Variants in TOPBP1 observed in about 807,000 individuals in gnomAD.
TOPBP1 encodes DNA topoisomerase 2-binding protein 1.
In TOPBP1, 28 loss-of-function variants were observed where a neutral mutation model predicts 167.7. That is an observed-to-expected ratio of 0.17 (90% confidence interval 0.12 to 0.23). The LOEUF is 0.23. Ranked by LOEUF, TOPBP1 falls within the 10% of genes least tolerant of loss-of-function variation. The probability of loss-of-function intolerance (pLI) is 1.00; values close to 1 mark genes in which losing one functional copy is unlikely to be tolerated. For missense variants in TOPBP1, 1,554 were observed against 1,809.6 expected (o/e 0.86, Z 2.56); for synonymous variants, 598 against 611.4 (o/e 0.98, Z 0.32).
chr3:133,653,024 A>G (rs1006652179), intron 7 of TOPBP1, among the ~76,000 whole-genome samples: 1 of 152,234 alleles, frequency 6.6e-6, no homozygotes, highest in African/African-American at 2.4e-5. Context: ...CTGTAAATTA[A>G]GGAAAGATTA....
chr3:133,623,231 C>T, intron 18 of TOPBP1, 38 bp from the exon 19 acceptor site: 1 of 1,610,766 alleles, frequency 6.2e-7, no homozygotes, highest in Non-Finnish European at 8.5e-7. Context: ...TCAAACCAAG[C>T]CACTGTATAA....
At chr3:133,610,443 T>C (rs964688220) in intron 25 of TOPBP1, among the ~76,000 whole-genome samples, 3 of 147,698 alleles carry the variant, frequency 2.0e-5, no homozygotes, top group Admixed American at 1.4e-4. Flanking sequence ...TAACAAATAA[T>C]ATAAATAACT....
At chr3:133,623,283 G>T (rs765590935) in intron 18 of TOPBP1, 28 bp downstream of exon 18, 1 of 1,612,832 alleles carries the variant, frequency 6.2e-7, no homozygotes, top group African/African-American at 1.3e-5. Flanking sequence ...GCTTAAGAGG[G>T]GGTAAATGTA....
intron 14 of TOPBP1, among the ~76,000 whole-genome samples, chr3:133,634,087 T>C (rs1053536812): frequency 1.3e-5 from 2 of 152,244 alleles, no homozygotes; most frequent in African/African-American, 4.8e-5. Flanking sequence ...TCCATTCTTC[T>C]CATCTCTCAG....
chr3:133,624,016 A>G (rs762655421), intron 17 of TOPBP1, 36 bp downstream of exon 17: 3 of 1,592,320 alleles, frequency 1.9e-6, no homozygotes, highest in Middle Eastern at 1.7e-4. Context: ...TACATTTTCA[A>G]TTAACAGAGA....
intron 6 of TOPBP1, among the ~76,000 whole-genome samples, chr3:133,654,558 C>A (rs528714930): frequency 6.6e-6 from 1 of 152,062 alleles, no homozygotes; most frequent in African/African-American, 2.4e-5. Context: ...ACCATTTAAT[C>A]GTAATTTCTT....
intron 14 of TOPBP1, among the ~76,000 whole-genome samples, chr3:133,637,674 T>G (rs1935724834): frequency 6.6e-6 from 1 of 152,224 alleles, no homozygotes; most frequent in Admixed American, 6.5e-5. Flanking sequence ...TGTCCTAATT[T>G]CACACCATAT....
At chr3:133,629,434 T>C (rs1436473314) in intron 14 of TOPBP1, among the ~76,000 whole-genome samples, 1 of 152,196 alleles carries the variant, frequency 6.6e-6, no homozygotes, top group Non-Finnish European at 1.5e-5. Context: ...AAGCAAAATG[T>C]ATCTACCAGC....
At chr3:133,610,849 AT>A (rs2107772030) in intron 25 of TOPBP1, among the ~76,000 whole-genome samples, 154 bp downstream of exon 25, 1 of 152,318 alleles carries the variant, frequency 6.6e-6, no homozygotes, top group East Asian at 1.9e-4. Flanking sequence ...CACATTTTAC[AT>A]ATATAAATTA....
intron 25 of TOPBP1, among the ~76,000 whole-genome samples, chr3:133,610,079 ATAAC>A (rs1934623979): frequency 6.6e-6 from 1 of 152,242 alleles, no homozygotes; most frequent in South Asian, 2.1e-4. Flanking sequence ...GTAGCAGACA[ATAAC>A]TAATATGGCT....
chr3:133,618,518 G>A, intron 20 of TOPBP1, 85 bp from the exon 21 acceptor site: 1 of 1,321,042 alleles, frequency 7.6e-7, no homozygotes, highest in South Asian at 1.3e-5. Context: ...TAAAAGTTGT[G>A]GCTCACCTTT....
At chr3:133,616,446 A>C (rs1467182356) in intron 23 of TOPBP1, among the ~76,000 whole-genome samples, 1 of 152,182 alleles carries the variant, frequency 6.6e-6, no homozygotes, top group Non-Finnish European at 1.5e-5. Flanking sequence ...AACTGGAAAC[A>C]AACAAACAAA....
intron 14 of TOPBP1, among the ~76,000 whole-genome samples, chr3:133,636,444 C>T (rs1935678875): frequency 6.6e-6 from 1 of 151,252 alleles, no homozygotes; most frequent in Non-Finnish European, 1.5e-5. Context: ...CATTATAATG[C>T]TTATAAGATT....
intron 19 of TOPBP1, 85 bp downstream of exon 19, chr3:133,623,006 G>A (rs995672846): frequency 5.5e-6 from 4 of 728,662 alleles, no homozygotes; most frequent in Non-Finnish European, 8.8e-6. Flanking sequence ...ACCAGTGTGG[G>A]CAAGATGACA....
intron 3 of TOPBP1, among the ~76,000 whole-genome samples, chr3:133,658,635 C>T (rs769468679): frequency 2.0e-5 from 3 of 151,922 alleles, no homozygotes; most frequent in Non-Finnish European, 4.4e-5. Flanking sequence ...ATCGAGAAAC[C>T]CTTTCTCTAC....
intron 16 of TOPBP1, among the ~76,000 whole-genome samples, chr3:133,624,757 T>C (rs994604408): frequency 3.9e-5 from 6 of 152,122 alleles, no homozygotes; most frequent in African/African-American, 9.7e-5. Flanking sequence ...ACAGACTATA[T>C]ATATTTTACA....
chr3:133,613,445 A>G (rs900685590), intron 23 of TOPBP1, among the ~76,000 whole-genome samples: 4 of 152,242 alleles, frequency 2.6e-5, no homozygotes, highest in Admixed American at 6.5e-5. Context: ...CAATTACAAA[A>G]GCAGTTTTCA....
chr3:133,652,003 G>C (rs573648616), intron 8 of TOPBP1, among the ~76,000 whole-genome samples: 82 of 152,052 alleles, frequency 5.4e-4, no homozygotes, highest in African/African-American at 1.9e-3. Flanking sequence ...AGGTGTAGTG[G>C]CACATGCCTG....
At chr3:133,606,826 T>C (rs1349022616) in intron 27 of TOPBP1, among the ~76,000 whole-genome samples, 5 of 152,064 alleles carry the variant, frequency 3.3e-5, no homozygotes, top group Non-Finnish European at 7.4e-5. Context: ...CCAGCCCTAG[T>C]CCATACCTCA....
Sources: gnomAD v4.1 joint callset for allele counts (sites outside exome capture counted in the v4.1 genomes callset) on GRCh38, gnomAD v4.1.1 for gene constraint, MANE v1.5 for transcripts, NCBI Gene and HGNC (gene_info 2026-07-23, HGNC 2026-07-21) for gene names.